The following RASAL2 variants were observed in gnomAD, a reference collection of about 807,000 sequenced individuals.
RASAL2 encodes the protein ras GTPase-activating protein nGAP.
A neutral mutation model predicts 128.9 loss-of-function variants in RASAL2; 58 were observed. The observed-to-expected ratio is 0.45, with a 90% CI of 0.36 to 0.56. The LOEUF is 0.56. RASAL2 is among the 20% of genes least tolerant of loss of function. RASAL2 has a pLI of 0.00. For synonymous variants in RASAL2, 561 were observed against 580.8 expected (o/e 0.97, Z 0.49); for missense variants, 1,360 against 1,601.6 (o/e 0.85, Z 2.57).
intron 12 of RASAL2, among the ~76,000 whole-genome samples, chr1:178,455,451 T>C (rs978405113): frequency 6.6e-6 from 1 of 152,214 alleles, no homozygotes; most frequent in African/African-American, 2.4e-5. Flanking sequence ...TTCCTCTATT[T>C]TCCTATCAAT....
intron 1 of RASAL2, among the ~76,000 whole-genome samples, chr1:178,275,500 C>G (rs1040194291): frequency 6.6e-6 from 1 of 152,152 alleles, no homozygotes; most frequent in African/African-American, 2.4e-5. Context: ...GAATTGTTCC[C>G]CATCCTTACC....
intron 15 of RASAL2, among the ~76,000 whole-genome samples, chr1:178,464,859 CT>C (rs1300143335): frequency 1.4e-5 from 1 of 70,036 alleles, no homozygotes; most frequent in Non-Finnish European, 2.6e-5. Context: ...TTTTTTTTGC[CT>C]TTTCTGGATA....
chr1:178,096,891 A>G (rs769890174), intron 1 of RASAL2, among the ~76,000 whole-genome samples: 1 of 152,306 alleles, frequency 6.6e-6, no homozygotes, highest in Non-Finnish European at 1.5e-5. Flanking sequence ...ACTCTTGGCT[A>G]TGTCCTTAGC....
At chr1:178,126,915 C>CA (rs1659923666) in intron 1 of RASAL2, among the ~76,000 whole-genome samples, 1 of 152,184 alleles carries the variant, frequency 6.6e-6, no homozygotes, top group Admixed American at 6.5e-5. Context: ...AAAACTGACT[C>CA]AGTCAGTGGT....
Position 178,136,756 on chromosome 1 carries a change from C to CAAAA in RASAL2, c.202+42089_202+42092dup, listed in dbSNP as rs397982072. On this transcript the variant is annotated intron_variant, in intron 1 of 17. Transcript: ENST00000367649. ...TAGGTGACAAAGTGAGACTCTGTCT[C>CAAAA]AAAAAAAAAAAAAAAAAAAAAAAAA... Among the ~76,000 whole-genome samples the CAAAA allele has an allele frequency of 4.0e-3, 187 of 47,222 alleles. 11 individuals carry two copies. The highest frequency in any genetic ancestry group is 0.016 in the African/African-American group (156 of 9,806). 31.0% of individuals were successfully genotyped at this position (47,222 alleles called of 152,430 possible). A position where few individuals can be genotyped will look rare whatever the true frequency, so the allele number is the denominator to read the frequency against.
chr1:178,235,597 T>C (rs1004936128), intron 1 of RASAL2, among the ~76,000 whole-genome samples: 7 of 151,468 alleles, frequency 4.6e-5, no homozygotes, highest in Non-Finnish European at 8.8e-5. Context: ...GTGCTTCGTG[T>C]GCGTGTGTGT....
At chr1:178,173,732 C>A (rs1310405825) in intron 1 of RASAL2, among the ~76,000 whole-genome samples, 3 of 151,946 alleles carry the variant, frequency 2.0e-5, no homozygotes, top group Non-Finnish European at 4.4e-5. Context: ...AGTAAGGATT[C>A]AAATCCTGAA....
chr1:178,375,141 G>A (rs1298345876), intron 3 of RASAL2, among the ~76,000 whole-genome samples: 1 of 152,094 alleles, frequency 6.6e-6, no homozygotes, highest in Non-Finnish European at 1.5e-5. Context: ...ACAGAGATAG[G>A]GTTTAATCTG....
intron 1 of RASAL2, among the ~76,000 whole-genome samples, chr1:178,179,786 T>G (rs1464442556): frequency 1.3e-5 from 2 of 152,218 alleles, no homozygotes; most frequent in Non-Finnish European, 2.9e-5. Context: ...TTCTTATCAC[T>G]GTCATTCATA....
In RASAL2 at chr1:178,465,808, AAAG is replaced by A; in HGVS notation, c.3388-109_3388-107del. On this transcript the variant is annotated intron_variant, in intron 15 of 17. Coordinates refer to ENST00000367649, the MANE Select transcript of RASAL2 (RefSeq NM_170692.4). Reference sequence around the variant, plus strand: ...TGCTTAGGGTTTCTTTTGTTAAAAAAAAGAAAAAAGAAAAAGAAAAAAAGAAAG... The same window carrying A: ...TGCTTAGGGTTTCTTTTGTTAAAAAAAAAAAAGAAAAAGAAAAAAAGAAAG... 3 of 1,050,528 alleles carry A rather than the reference AAAG, an allele frequency of 2.9e-6. No homozygotes were observed. In the African/African-American group the frequency reaches 5.2e-5, roughly 18 times the overall value. 65.1% of individuals were successfully genotyped at this position (1,050,528 alleles called of 1,614,324 possible). A position where few individuals can be genotyped will look rare whatever the true frequency, so the allele number is the denominator to read the frequency against.
At chr1:178,300,709 A>G (rs1009786836) in intron 3 of RASAL2, among the ~76,000 whole-genome samples, 5 of 152,250 alleles carry the variant, frequency 3.3e-5, no homozygotes, top group African/African-American at 9.6e-5. Context: ...GTTAATGTCA[A>G]TATCAAAGCA....
At chr1:178,169,635 C>T (rs1022140122) in intron 1 of RASAL2, among the ~76,000 whole-genome samples, 12 of 151,970 alleles carry the variant, frequency 7.9e-5, no homozygotes, top group Non-Finnish European at 1.8e-4. Context: ...GTACTCTTCA[C>T]AGTTTTCAAG....
chr1:178,429,592 A>G (rs2102788143), intron 5 of RASAL2, among the ~76,000 whole-genome samples: 1 of 152,246 alleles, frequency 6.6e-6, no homozygotes, highest in East Asian at 1.9e-4. Flanking sequence ...AGGTGTCTCA[A>G]TTGAAACTGC....
chr1:178,223,446 G>C (rs891934846), intron 1 of RASAL2, among the ~76,000 whole-genome samples: 1 of 152,148 alleles, frequency 6.6e-6, no homozygotes, highest in African/African-American at 2.4e-5. Flanking sequence ...GCAGAGAACA[G>C]GATGAGCAAG....
intron 1 of RASAL2, among the ~76,000 whole-genome samples, chr1:178,140,298 T>C (rs1047248366): frequency 6.6e-6 from 1 of 152,224 alleles, no homozygotes; most frequent in East Asian, 1.9e-4. Flanking sequence ...CTATGTTAGT[T>C]TGGTACATTT....
At chr1:178,127,037 C>A (rs569028570) in intron 1 of RASAL2, among the ~76,000 whole-genome samples, 1 of 152,122 alleles carries the variant, frequency 6.6e-6, no homozygotes, top group African/African-American at 2.4e-5. Flanking sequence ...AATTCTTTGT[C>A]CTTCATTTTG....
intron 1 of RASAL2, among the ~76,000 whole-genome samples, chr1:178,113,234 G>A (rs1387615900): frequency 6.6e-6 from 1 of 151,136 alleles, no homozygotes; most frequent in Non-Finnish European, 1.5e-5. Flanking sequence ...ATACTGTTTT[G>A]ATTACTATAG....
At chr1:178,412,966 CTTTCTTTCTTTCTTTCTT>C (rs1674499928) in intron 4 of RASAL2, among the ~76,000 whole-genome samples, 1 of 148,952 alleles carries the variant, frequency 6.7e-6, no homozygotes, top group Non-Finnish European at 1.5e-5. Context: ...CTTTCTTTTT[CTTTCTTTCTTTCTTTCTT>C]TTTCTTTCTT....
In RASAL2 at chr1:178,464,831, G is replaced by GTTTTTTTTTTTTTTTTTTTTTTTTTTTTT. The variant is rs986789340; in HGVS notation, c.3387+444_3387+445insTTTTTTTTTTTTTTTTTTTTTTTTTTTTT. Among the ~76,000 whole-genome samples the GTTTTTTTTTTTTTTTTTTTTTTTTTTTTT allele has an allele frequency of 8.9e-4, 34 of 38,202 alleles. 5 individuals carry two copies. Among genetic ancestry groups the GTTTTTTTTTTTTTTTTTTTTTTTTTTTTT allele is most frequent in the African/African-American group, 4.0e-3 (33 of 8,238 alleles). The allele number at this position is 38,202 out of a possible 152,430, so 25.1% of individuals were successfully genotyped here. A position where few individuals can be genotyped will look rare whatever the true frequency, so the allele number is the denominator to read the frequency against. On this transcript the variant is annotated intron_variant, in intron 15 of 17. Coordinates refer to ENST00000367649, the MANE Select transcript of RASAL2 (RefSeq NM_170692.4). The stretch of plus-strand genomic sequence containing the variant: ...TAACAATTAGGTTTTGGTTTTAGTT[G>GTTTTTTTTTTTTTTTTTTTTTTTTTTTTT]TTTTTTTTTTTTTTTTTTTTTTTTT...
Sources: gnomAD v4.1 joint callset for allele counts (sites outside exome capture counted in the v4.1 genomes callset) on GRCh38, gnomAD v4.1.1 for gene constraint, MANE v1.5 for transcripts, NCBI Gene and HGNC (gene_info 2026-07-23, HGNC 2026-07-21) for gene names.